The following DIP2A variants were observed in gnomAD, a reference collection of about 807,000 sequenced individuals.
DIP2A encodes the protein DIP2 acetate--CoA ligase A.
Under a neutral mutation model 177.4 loss-of-function variants are expected in DIP2A, and 85 were observed. The observed-to-expected ratio is 0.48, with a 90% CI of 0.40 to 0.57. DIP2A has a LOEUF of 0.57. Ranked by LOEUF, DIP2A falls within the 20% of genes least tolerant of loss-of-function variation. DIP2A has a pLI of 0.00. For synonymous variants in DIP2A, 886 were observed against 881.8 expected, an observed-to-expected ratio of 1.00 and a Z score of -0.08; for missense variants, 1,791 against 2,100.2, an observed-to-expected ratio of 0.85 and a Z score of 2.88.
chr21:46,528,666 A>G (rs941926632), intron 8 of DIP2A, among the ~76,000 whole-genome samples: 2 of 149,310 alleles, frequency 1.3e-5, no homozygotes, highest in Non-Finnish European at 3.0e-5. Context: ...AGCTGGGATT[A>G]CAGGCACACA....
At chr21:46,548,393 C>T (rs2060145892) in intron 21 of DIP2A, among the ~76,000 whole-genome samples, 1 of 152,102 alleles carries the variant, frequency 6.6e-6, no homozygotes, top group Admixed American at 6.5e-5. Context: ...ATGGTGACTG[C>T]GTCTGCAGGC....
chr21:46,529,836 A>G (rs1384882816), intron 9 of DIP2A, among the ~76,000 whole-genome samples: 1 of 152,208 alleles, frequency 6.6e-6, no homozygotes, highest in Non-Finnish European at 1.5e-5. Context: ...CTGTATTTTT[A>G]TCTCCTTCCC....
chr21:46,483,851 C>A (rs2148429259), intron 1 of DIP2A, among the ~76,000 whole-genome samples: 1 of 152,316 alleles, frequency 6.6e-6, no homozygotes, highest in Non-Finnish European at 1.5e-5. Context: ...ACAAGCTAAT[C>A]ATGAGAATTG....
At chr21:46,475,851 C>T (rs750683411) in intron 1 of DIP2A, among the ~76,000 whole-genome samples, 10 of 152,134 alleles carry the variant, frequency 6.6e-5, no homozygotes, top group Non-Finnish European at 1.2e-4. Flanking sequence ...CTGAAACAAT[C>T]GATAGTGTTT....
chr21:46,557,810 T>G lies in DIP2A; in HGVS notation c.3798+57T>G. Reference sequence around the variant, plus strand: ...CTGCAGACCACAGCCCTGGGAAGTTTAAAAACAACAAAACAAAACAAGACT... The same window carrying G: ...CTGCAGACCACAGCCCTGGGAAGTTGAAAAACAACAAAACAAAACAAGACT... On this transcript the variant is annotated intron_variant, in intron 31 of 37. Coordinates refer to ENST00000417564, the MANE Select transcript of DIP2A (RefSeq NM_015151.4). This position sits in a 1 kb window ranked among gnomAD's most constrained non-coding sequence, Gnocchi z 6.0. 6.4e-7 allele frequency: 1 copy of G among 1,558,302 alleles called. No homozygotes were observed. Among genetic ancestry groups the G allele is most frequent in the South Asian group, 1.2e-5 (1 of 86,294 alleles).
Position 46,460,196 on chromosome 21 carries a change from T to TA in DIP2A, c.91+985dup, listed in dbSNP as rs528819593. ...AGCCCCCTCATGGAATTTTTTAAAG[T>TA]AAAAAAAAAAAGTCGTATAAATGGT... On this transcript the variant is annotated intron_variant, in intron 1 of 37. Transcript: ENST00000417564. 2.3e-3 allele frequency among the ~76,000 whole-genome samples: 333 copies of TA among 145,668 alleles called. 2 individuals are homozygous for TA. The highest frequency in any genetic ancestry group is 7.0e-3 in the African/African-American group (280 of 39,928).
intron 9 of DIP2A, 64 bp downstream of exon 9, chr21:46,529,247 A>G: frequency 9.9e-7 from 1 of 1,010,106 alleles, no homozygotes; most frequent in South Asian, 1.6e-5. Context: ...AATCTGTTTC[A>G]TTGAAATTAG....
chr21:46,470,571 G>A (rs1236474176), intron 1 of DIP2A, among the ~76,000 whole-genome samples: 2 of 151,888 alleles, frequency 1.3e-5, no homozygotes, highest in Non-Finnish European at 2.9e-5. Flanking sequence ...AGGAGTTGAA[G>A]ACCAGCCTGA....
At chr21:46,513,952 G>C (rs796417308) in intron 8 of DIP2A, among the ~76,000 whole-genome samples, 7 of 152,146 alleles carry the variant, frequency 4.6e-5, no homozygotes, top group African/African-American at 1.7e-4. Context: ...GTTTATGATT[G>C]TGGAATATTT....
chr21:46,579,984 G>A, the DIP2A span, among the ~76,000 whole-genome samples: 1 of 152,206 alleles, frequency 6.6e-6, no homozygotes, highest in East Asian at 1.9e-4. Flanking sequence ...CCAGAGCTGA[G>A]TTCAAGTTCT....
chr21:46,508,678 A>C (rs906222787), intron 6 of DIP2A, among the ~76,000 whole-genome samples: 8 of 151,926 alleles, frequency 5.3e-5, no homozygotes, highest in African/African-American at 1.9e-4. Context: ...TCGTGACCTC[A>C]TAAACTTCCT....
chr21:46,551,618 G>A lies in DIP2A; in HGVS notation c.2840-16G>A. 6.2e-7 allele frequency: 1 copy of A among 1,609,380 alleles called. No homozygotes were observed. Among genetic ancestry groups the A allele is most frequent in the Non-Finnish European group, 8.5e-7 (1 of 1,176,338 alleles). On this transcript the variant is annotated splice_polypyrimidine_tract_variant and intron_variant, in intron 23 of 37. Transcript: ENST00000417564. ...AGAAGTCACCAGCTTTTCATTCAGA[G>A]TTCCCCCGTTTCTAGAGGTTGGACC...
At chr21:46,473,933 CTCTT>C (rs1376685262) in intron 1 of DIP2A, among the ~76,000 whole-genome samples, 1 of 152,200 alleles carries the variant, frequency 6.6e-6, no homozygotes, top group Non-Finnish European at 1.5e-5. Flanking sequence ...TCTCTTTTGT[CTCTT>C]TCTGTCTCCC....
chr21:46,512,881 G>A (rs939017491), intron 8 of DIP2A, among the ~76,000 whole-genome samples: 21 of 151,616 alleles, frequency 1.4e-4, no homozygotes, highest in Non-Finnish European at 2.2e-4. Flanking sequence ...GGCTGATATC[G>A]AACTCCTGGC....
At chr21:46,471,257 C>A (rs768653247) in intron 1 of DIP2A, among the ~76,000 whole-genome samples, 2 of 152,148 alleles carry the variant, frequency 1.3e-5, no homozygotes, top group Non-Finnish European at 2.9e-5. Flanking sequence ...TCTTGAACTC[C>A]TGGTTTCAAG....
intron 9 of DIP2A, among the ~76,000 whole-genome samples, chr21:46,530,545 C>T (rs944398902): frequency 1.3e-5 from 2 of 152,030 alleles, no homozygotes; most frequent in African/African-American, 4.8e-5. Context: ...TTTCATAAGT[C>T]AAGAAAAGGA....
chr21:46,517,050 CTCTCT>C (rs2148663833), intron 8 of DIP2A, among the ~76,000 whole-genome samples: 1 of 134,228 alleles, frequency 7.5e-6, no homozygotes, highest in Non-Finnish European at 1.6e-5. Context: ...TGTGTTTTCT[CTCTCT>C]TTTTTTTTTT....
rs952816831 is a variant in DIP2A at position 46,498,534 on chromosome 21, T to C, written c.404-48T>C. 6.4e-7 allele frequency: 1 copy of C among 1,563,988 alleles called. No homozygotes were observed. Among genetic ancestry groups the C allele is most frequent in the South Asian group, 1.2e-5 (1 of 82,430 alleles). ...AGTGTGAGTGGGAACTCCGTCCTCC[T>C]CTTGACTCATCCCGATATCATGCCT... On this transcript the variant is annotated intron_variant, in intron 4 of 37. Transcript: ENST00000417564. The surrounding 1 kb of genome is among the most constrained non-coding windows in gnomAD (Gnocchi z 4.3).
At chr21:46,478,024 G>A (rs1379982458) in intron 1 of DIP2A, among the ~76,000 whole-genome samples, 1 of 152,072 alleles carries the variant, frequency 6.6e-6, no homozygotes, top group Non-Finnish European at 1.5e-5. Context: ...CTGCTGCTTC[G>A]GACTGATTTC....
Sources: allele counts gnomAD v4.1 joint callset (sites outside exome capture counted in the v4.1 genomes callset), GRCh38; gene constraint gnomAD v4.1.1; non-coding constraint Gnocchi (gnomAD v3.1); transcripts MANE v1.5; gene names NCBI Gene and HGNC (gene_info 2026-07-23, HGNC 2026-07-21).